UPRT: variants seen among roughly 807,000 people sequenced by gnomAD.
UPRT encodes RP11-311P8.3.
A neutral mutation model predicts 22.6 loss-of-function variants in UPRT; 5 were observed. The observed-to-expected ratio is 0.22, with a 90% CI of 0.12 to 0.47. The LOEUF (loss-of-function observed/expected upper bound fraction) is 0.47. Among genes scored for constraint, UPRT ranks in the 20% least tolerant of loss-of-function variants. UPRT has a pLI of 0.99. For missense variants in UPRT, 181 were observed against 239.9 expected (o/e 0.75, Z 1.62); for synonymous variants, 77 against 87.7 (o/e 0.88, Z 0.68).
chrX:75,272,380 A>G (rs769119175), upstream of UPRT, among the ~76,000 whole-genome samples: 14 of 100,949 alleles, frequency 1.4e-4, no homozygotes, highest in African/African-American at 5.0e-4. Flanking sequence ...ATATGTATAT[A>G]TATATGGAAT....
At chrX:75,264,831 T>G (rs975717212) in intron 4 of UPRT, among the ~76,000 whole-genome samples, 1 of 112,142 alleles carries the variant, frequency 8.9e-6, no homozygotes, top group African/African-American at 3.2e-5. Context: ...CTAGTACCTT[T>G]CCATGTTGAG....
chrX:75,245,216 C>T (rs1417491310), intron 4 of UPRT, among the ~76,000 whole-genome samples: 1 of 106,753 alleles, frequency 9.4e-6, no homozygotes, highest in Admixed American at 1.0e-4. Context: ...CAAATCAAAA[C>T]CATAATGGGA....
chrX:75,283,219 T>A (rs899682490), intron 1 of UPRT, among the ~76,000 whole-genome samples: 1 of 112,136 alleles, frequency 8.9e-6, no homozygotes, highest in Non-Finnish European at 1.9e-5. Context: ...TGGTGAGTTC[T>A]TATCCATTCT....
At chrX:75,209,677 G>A (rs2147627358) in intron 4 of UPRT, among the ~76,000 whole-genome samples, 1 of 112,466 alleles carries the variant, frequency 8.9e-6, no homozygotes, top group East Asian at 2.8e-4. Flanking sequence ...CTGGCCCAGT[G>A]TTTCTTGATA....
chrX:75,181,516 T>G (rs1466266581), intron 4 of UPRT, among the ~76,000 whole-genome samples: 1 of 111,448 alleles, frequency 9.0e-6, no homozygotes, highest in Non-Finnish European at 1.9e-5. Flanking sequence ...CCTCTCTTCT[T>G]TCCTTGAGCA....
intron 4 of UPRT, among the ~76,000 whole-genome samples, chrX:75,174,216 C>T (rs993055761): frequency 5.4e-4 from 60 of 112,072 alleles, no homozygotes; most frequent in Middle Eastern, 4.6e-3. Context: ...GGCCAATGAC[C>T]GCTCTAGCTA....
At chrX:75,257,929 C>A (rs931619265) in intron 4 of UPRT, among the ~76,000 whole-genome samples, 2 of 111,081 alleles carry the variant, frequency 1.8e-5, no homozygotes, top group Non-Finnish European at 3.8e-5. Context: ...GGGTGCAGCC[C>A]ATGGAGGGCA....
chrX:75,157,375 A>G (rs1274846145), intron 1 of UPRT, among the ~76,000 whole-genome samples: 1 of 112,093 alleles, frequency 8.9e-6, no homozygotes, highest in Non-Finnish European at 1.9e-5. Flanking sequence ...TGCTTGAGCT[A>G]GTTATTTAAA....
intron 4 of UPRT, among the ~76,000 whole-genome samples, chrX:75,197,675 T>C (rs772079415): frequency 9.0e-6 from 1 of 111,641 alleles, no homozygotes; most frequent in East Asian, 2.8e-4. Flanking sequence ...CCTCCAATAA[T>C]GAATGGACAA....
chrX:75,178,848 A>G (rs1257945773), intron 4 of UPRT, among the ~76,000 whole-genome samples: 1 of 111,426 alleles, frequency 9.0e-6, no homozygotes, highest in Non-Finnish European at 1.9e-5. Flanking sequence ...CACAGTGTGG[A>G]AGGGGACCTG....
intron 4 of UPRT, among the ~76,000 whole-genome samples, chrX:75,234,704 T>C (rs1228722483): frequency 2.7e-5 from 3 of 110,316 alleles, no homozygotes; most frequent in Non-Finnish European, 5.7e-5. Flanking sequence ...CATAACGAAA[T>C]GAAGGCAGAA....
chrX:75,228,525 C>G (rs1452070055), intron 4 of UPRT, among the ~76,000 whole-genome samples: 2 of 112,144 alleles, frequency 1.8e-5, no homozygotes. Context: ...TTGCCTTACT[C>G]TTTGCATTAT....
intron 4 of UPRT, among the ~76,000 whole-genome samples, chrX:75,235,491 G>T (rs898410662): frequency 7.2e-5 from 8 of 111,640 alleles, no homozygotes; most frequent in African/African-American, 2.3e-4. Context: ...CCAATAAAGA[G>T]AATTTTAGAC....
intron 4 of UPRT, among the ~76,000 whole-genome samples, chrX:75,208,144 G>A (rs776394877): frequency 8.9e-6 from 1 of 111,839 alleles, no homozygotes; most frequent in East Asian, 2.8e-4. Flanking sequence ...GGGTTGGGAT[G>A]GCTGGAGAGT....
At chrX:75,207,620 C>T (rs1233263435) in intron 4 of UPRT, among the ~76,000 whole-genome samples, 4 of 111,308 alleles carry the variant, frequency 3.6e-5, no homozygotes, top group African/African-American at 6.5e-5. Flanking sequence ...CTGCTGTAAA[C>T]GGGATGATGG....
chrX:75,171,904 G>T (rs1479736049), intron 4 of UPRT, among the ~76,000 whole-genome samples: 2 of 111,952 alleles, frequency 1.8e-5, no homozygotes, highest in Non-Finnish European at 3.8e-5. Context: ...GGTACTGGGG[G>T]TTGTCTGCAC....
chrX:75,261,335 T>C (rs770867835), intron 4 of UPRT, among the ~76,000 whole-genome samples: 1 of 111,416 alleles, frequency 9.0e-6, no homozygotes, highest in African/African-American at 3.3e-5. Flanking sequence ...ATAAAGGGGA[T>C]ATCACCAAAG....
intron 4 of UPRT, among the ~76,000 whole-genome samples, chrX:75,226,611 G>A (rs1437844714): frequency 9.0e-6 from 1 of 110,842 alleles, no homozygotes; most frequent in South Asian, 3.8e-4. Flanking sequence ...ATACTTTCCC[G>A]AGATTGCATT....
chrX:75,237,406 C>T (rs920296300), intron 4 of UPRT, among the ~76,000 whole-genome samples: 1 of 111,717 alleles, frequency 9.0e-6, no homozygotes, highest in African/African-American at 3.3e-5. Flanking sequence ...CCTCATGGAT[C>T]TAGAACTAGA....
Sources: gnomAD v4.1 joint callset for allele counts (sites outside exome capture counted in the v4.1 genomes callset) on GRCh38, gnomAD v4.1.1 for gene constraint, MANE v1.5 for transcripts, NCBI Gene and HGNC (gene_info 2026-07-23, HGNC 2026-07-21) for gene names.